Variants in ACSM2B observed in about 807,000 individuals in gnomAD.
ACSM2B encodes the protein acyl-coenzyme A synthetase ACSM2B, mitochondrial.
ACSM2B carries 58 observed loss-of-function variants against 78.6 expected under a neutral mutation model. The observed-to-expected ratio is 0.74, with a 90% CI of 0.60 to 0.92. The LOEUF is 0.92. ACSM2B is among the 40% of genes least tolerant of loss of function. The pLI, the probability that ACSM2B is intolerant of heterozygous loss-of-function variation, is 0.00. For missense variants in ACSM2B, 688 were observed against 711.2 expected, an observed-to-expected ratio of 0.97 and a Z score of 0.37; for synonymous variants, 257 against 256.8, an observed-to-expected ratio of 1.00 and a Z score of -0.01.
rs2016115055 is a variant in ACSM2B, at chr16:20,572,421, T to A, written c.-9+3786A>T. ...TAGGGCCCCAATCCCTTCTAGCTTG[T>A]AGGATTTCTGCTGAGAAATCTGCTG... On this transcript the variant is annotated intron_variant, in intron 1 of 13. Coordinates refer to ENST00000329697, the MANE Select transcript of ACSM2B (RefSeq NM_001105069.2). Among the ~76,000 whole-genome samples, 10 of 138,424 alleles carry A rather than the reference T, an allele frequency of 7.2e-5. 1 individual carries two copies. The South Asian group carries it at 2.4e-3, about 33-fold the overall frequency. 90.8% of individuals were successfully genotyped at this position (138,424 alleles called of 152,430 possible). A position where few individuals can be genotyped will look rare whatever the true frequency, so the allele number is the denominator to read the frequency against.
chr16:20,543,582 T>C (rs1470464417), intron 10 of ACSM2B, among the ~76,000 whole-genome samples: 1 of 152,214 alleles, frequency 6.6e-6, no homozygotes, highest in Non-Finnish European at 1.5e-5. Flanking sequence ...ATAGATATCC[T>C]AATCTCTGTT....
At chr16:20,542,694 T>A in intron 12 of ACSM2B, 1 of 590,902 alleles carries the variant, frequency 1.7e-6, no homozygotes, top group Non-Finnish European at 2.9e-6. Flanking sequence ...TTTACAAATA[T>A]TAGCACATTT....
chr16:20,563,582 A>T (rs1279902436), intron 2 of ACSM2B, among the ~76,000 whole-genome samples: 1 of 151,028 alleles, frequency 6.6e-6, no homozygotes, highest in Non-Finnish European at 1.5e-5. Context: ...ATTTAAAGGA[A>T]GTATAACTTT....
chr16:20,544,864 T>C, intron 10 of ACSM2B: 2 of 1,068,680 alleles, frequency 1.9e-6, no homozygotes, highest in Non-Finnish European at 2.3e-6. Context: ...AATGGTGCTG[T>C]GTATAGTTCA....
At chr16:20,545,319 C>T in intron 9 of ACSM2B, 61 bp from the exon 10 acceptor site, 1 of 1,566,134 alleles carries the variant, frequency 6.4e-7, no homozygotes, top group South Asian at 1.2e-5. Flanking sequence ...TCAATGGCAG[C>T]AGGAGATTGC....
Position 20,537,169 on chromosome 16 carries a change from A to T in ACSM2B, c.*89T>A. 6.9e-7 allele frequency: 1 copy of T among 1,438,878 alleles called. No individual in the cohort carries two copies. The highest frequency in any genetic ancestry group is 9.6e-7 in the Non-Finnish European group (1 of 1,037,666). 89.1% of individuals were successfully genotyped at this position (1,438,878 alleles called of 1,614,324 possible). ...CTTACATTCATGTTCTTTCATAAAGAATCTCATATCATCATAGTAAGGCCA... is the reference window on the plus strand; with the variant it reads ...CTTACATTCATGTTCTTTCATAAAGTATCTCATATCATCATAGTAAGGCCA... On this transcript the variant is annotated 3_prime_UTR_variant, in exon 14 of 14. Coordinates refer to ENST00000329697, the MANE Select transcript of ACSM2B (RefSeq NM_001105069.2).
At chr16:20,566,653 T>C (rs1227544894) in intron 1 of ACSM2B, among the ~76,000 whole-genome samples, 2 of 39,782 alleles carry the variant, frequency 5.0e-5, no homozygotes, top group Admixed American at 3.6e-4. Flanking sequence ...TACTATACTA[T>C]ATATATGTAT....
chr16:20,555,881 A>C (rs1436862872), intron 3 of ACSM2B, among the ~76,000 whole-genome samples: 2 of 152,150 alleles, frequency 1.3e-5, no homozygotes, highest in Non-Finnish European at 2.9e-5. Flanking sequence ...AAACACCAAT[A>C]GCTCTAGGTC....
chr16:20,547,369 G>T, intron 8 of ACSM2B: 1 of 985,154 alleles, frequency 1.0e-6, no homozygotes, highest in Non-Finnish European at 1.2e-6. Context: ...TCAACACTCT[G>T]CAAAAGTTCT....
Position 20,569,423 on chromosome 16 carries a change from T to C in ACSM2B, c.-8-4570A>G, listed in dbSNP as rs578158044. 6.6e-5 allele frequency among the ~76,000 whole-genome samples: 10 copies of C among 151,956 alleles called. 1 individual carries two copies. The South Asian group carries it at 1.4e-3, about 22-fold the overall frequency. On this transcript the variant is annotated intron_variant, in intron 1 of 13. Coordinates refer to ENST00000329697, the MANE Select transcript of ACSM2B (RefSeq NM_001105069.2). ...TCTCTATTCTGTTCCTTCTGTTCCATGGTTCTACGTGCCTATTTTTATACC... is the reference window on the plus strand; with the variant it reads ...TCTCTATTCTGTTCCTTCTGTTCCACGGTTCTACGTGCCTATTTTTATACC...
chr16:20,573,582 C>T (rs1423154819), intron 1 of ACSM2B, among the ~76,000 whole-genome samples: 1 of 141,898 alleles, frequency 7.0e-6, no homozygotes, highest in Non-Finnish European at 1.5e-5. Flanking sequence ...TGCAGGGTCT[C>T]ATTCTTTTCC....
chr16:20,566,067 A>G (rs1210468351), intron 1 of ACSM2B, among the ~76,000 whole-genome samples: 2 of 147,796 alleles, frequency 1.4e-5, no homozygotes, highest in East Asian at 2.0e-4. Flanking sequence ...GATACTATAA[A>G]TAATATATAT....
In ACSM2B at chr16:20,553,937, T is replaced by A. The variant is rs763604433; in HGVS notation, c.597-17A>T. On this transcript the variant is annotated splice_polypyrimidine_tract_variant and intron_variant, in intron 4 of 13. Transcript: ENST00000329697. ...GATGCCTCACTGACAAAGACACAGA[T>A]TGTCATTTTCTCAGATCTAGCCTGG... 2.0e-5 allele frequency: 32 copies of A among 1,613,012 alleles called. No individual in the cohort carries two copies. The highest frequency in any genetic ancestry group is 4.4e-5 in the South Asian group (4 of 91,006).
chr16:20,566,982 G>T, intron 1 of ACSM2B, among the ~76,000 whole-genome samples: 1 of 117,644 alleles, frequency 8.5e-6, no homozygotes. Flanking sequence ...ATTATATACT[G>T]TTATATATTA....
chr16:20,539,823 C>T (rs28520155), intron 13 of ACSM2B, among the ~76,000 whole-genome samples: 66,885 of 129,938 alleles, frequency 0.51, 13,777 homozygotes, highest in Non-Finnish European at 0.62. Flanking sequence ...TTGGAGCTGA[C>T]AGAGCCACAA....
chr16:20,537,155 GT>G lies in ACSM2B; in HGVS notation c.*102del. 1 of 1,379,894 alleles carries G rather than the reference GT, an allele frequency of 7.2e-7. No individual in the cohort carries two copies. The highest frequency in any genetic ancestry group is 1.0e-6 in the Non-Finnish European group (1 of 991,484). 85.5% of individuals were successfully genotyped at this position (1,379,894 alleles called of 1,614,324 possible). On this transcript the variant is annotated 3_prime_UTR_variant, in exon 14 of 14. Transcript: ENST00000329697. ...AGGGCAAGACAAAACTTACATTCAT[GT>G]TCTTTCATAAAGAATCTCATATCAT...
At chr16:20,547,617 G>A (rs970101503) in intron 8 of ACSM2B, 28 of 1,003,232 alleles carry the variant, frequency 2.8e-5, no homozygotes, top group Admixed American at 5.2e-5. Flanking sequence ...TAAAGCCATG[G>A]TGGGTTCTTC....
chr16:20,565,455 A>G (rs1315109082), intron 1 of ACSM2B, among the ~76,000 whole-genome samples: 1 of 152,192 alleles, frequency 6.6e-6, no homozygotes, highest in Non-Finnish European at 1.5e-5. Flanking sequence ...TGAGCCTAGC[A>G]TGGCCACTAG....
chr16:20,569,426 T>C (rs2016031002), intron 1 of ACSM2B, among the ~76,000 whole-genome samples: 1 of 151,250 alleles, frequency 6.6e-6, no homozygotes, highest in Non-Finnish European at 1.5e-5. Flanking sequence ...TGTTCCATGG[T>C]TCTACGTGCC....
Sources: allele counts gnomAD v4.1 joint callset (sites outside exome capture counted in the v4.1 genomes callset), GRCh38; gene constraint gnomAD v4.1.1; transcripts MANE v1.5; gene names NCBI Gene and HGNC (gene_info 2026-07-23, HGNC 2026-07-21).